Variants in ASTN2 observed in about 807,000 individuals in gnomAD.
ASTN2 encodes astrotactin-2.
Under a neutral mutation model 139.8 loss-of-function variants are expected in ASTN2, and 54 were observed. That is an observed-to-expected ratio of 0.39 (90% confidence interval 0.31 to 0.48). The LOEUF is 0.48. ASTN2 is among the 20% of genes least tolerant of loss of function. The pLI is 0.95. For synonymous variants in ASTN2, 756 were observed against 719.5 expected (o/e 1.05, Z -0.81); for missense variants, 1,565 against 1,725.1 (o/e 0.91, Z 1.64).
intron 3 of ASTN2, among the ~76,000 whole-genome samples, chr9:117,160,381 A>G (rs999458878): frequency 1.3e-5 from 2 of 151,328 alleles, no homozygotes; most frequent in African/African-American, 4.9e-5. Context: ...TCCCATCCAT[A>G]TAAATCACAA....
chr9:116,889,720 T>TAC (rs9299242), intron 10 of ASTN2, among the ~76,000 whole-genome samples: 2,360 of 136,604 alleles, frequency 0.017, 17 homozygotes, highest in South Asian at 0.047. Flanking sequence ...ACCTTGTCTC[T>TAC]ACACACACAC....
intron 19 of ASTN2, among the ~76,000 whole-genome samples, chr9:116,519,081 G>A (rs1473700035): frequency 6.6e-6 from 1 of 151,972 alleles, no homozygotes; most frequent in Non-Finnish European, 1.5e-5. Context: ...TCCACTGAGA[G>A]CACAAGACAG....
chr9:116,550,840 G>GT (rs1436634267), intron 19 of ASTN2: 2 of 152,242 alleles, frequency 1.3e-5, no homozygotes, highest in African/African-American at 4.8e-5. Flanking sequence ...AGGCCTTGCT[G>GT]TAAGACTCTG....
chr9:116,867,147 T>C (rs1564313141), intron 10 of ASTN2, among the ~76,000 whole-genome samples: 3 of 150,806 alleles, frequency 2.0e-5, no homozygotes, highest in South Asian at 4.2e-4. Flanking sequence ...TGTGAAAAGA[T>C]AAAAATGAAA....
At chr9:116,791,884 A>T (rs1271089553) in intron 13 of ASTN2, among the ~76,000 whole-genome samples, 1 of 152,188 alleles carries the variant, frequency 6.6e-6, no homozygotes, top group African/African-American at 2.4e-5. Flanking sequence ...AAAGGGGGGA[A>T]AGCGAGCTGT....
intron 11 of ASTN2, among the ~76,000 whole-genome samples, chr9:116,844,967 C>T (rs1049779688): frequency 2.0e-5 from 3 of 150,370 alleles, no homozygotes; most frequent in Admixed American, 6.6e-5. Context: ...TATGAGATTG[C>T]TGTTATTGCT....
intron 19 of ASTN2, among the ~76,000 whole-genome samples, chr9:116,604,361 G>A (rs1361596155): frequency 6.6e-6 from 1 of 152,140 alleles, no homozygotes; most frequent in Non-Finnish European, 1.5e-5. Flanking sequence ...CAGCTGGAGT[G>A]ACAGAAATAT....
At chr9:116,431,406 T>C (rs1455057839) in intron 22 of ASTN2, among the ~76,000 whole-genome samples, 1 of 151,812 alleles carries the variant, frequency 6.6e-6, no homozygotes, top group African/African-American at 2.4e-5. Flanking sequence ...CCTTCAGAAG[T>C]GGAGAGGGCA....
chr9:116,487,674 T>C (rs1849383854), intron 19 of ASTN2, among the ~76,000 whole-genome samples, 174 bp from the exon 20 acceptor site: 1 of 152,242 alleles, frequency 6.6e-6, no homozygotes, highest in Admixed American at 6.5e-5. Context: ...GATGACTCTT[T>C]GTTCATATTT....
At chr9:116,640,872 C>T (rs1332631345) in intron 17 of ASTN2, among the ~76,000 whole-genome samples, 1 of 152,042 alleles carries the variant, frequency 6.6e-6, no homozygotes, top group Non-Finnish European at 1.5e-5. Context: ...ATAGTACAGG[C>T]AAGATTTGGA....
At chr9:117,159,673 A>G (rs1307881498) in intron 3 of ASTN2, among the ~76,000 whole-genome samples, 4 of 152,096 alleles carry the variant, frequency 2.6e-5, no homozygotes, top group African/African-American at 9.7e-5. Context: ...CCCCATCAAG[A>G]CAACTTCATG....
intron 2 of ASTN2, among the ~76,000 whole-genome samples, chr9:117,216,426 C>T (rs1832320665): frequency 6.6e-6 from 1 of 152,202 alleles, no homozygotes; most frequent in African/African-American, 2.4e-5. Context: ...CAGCAGTGAG[C>T]TACTTTGGTT....
At chr9:116,448,646 T>A (rs913457649) in intron 20 of ASTN2, among the ~76,000 whole-genome samples, 1 of 152,224 alleles carries the variant, frequency 6.6e-6, no homozygotes, top group Admixed American at 6.5e-5. Flanking sequence ...AAGAAGCTAC[T>A]GAGCAAGTAG....
chr9:116,957,379 T>C (rs1197273115), intron 10 of ASTN2, among the ~76,000 whole-genome samples: 2 of 152,232 alleles, frequency 1.3e-5, no homozygotes, highest in Non-Finnish European at 2.9e-5. Context: ...CTAAGATATT[T>C]TATTTATAAC....
intron 1 of ASTN2, among the ~76,000 whole-genome samples, chr9:117,346,230 T>C (rs1829214353): frequency 6.6e-6 from 1 of 152,084 alleles, no homozygotes; most frequent in South Asian, 2.1e-4. Context: ...TAAAAGGATT[T>C]GCATATCTCA....
intron 4 of ASTN2, among the ~76,000 whole-genome samples, chr9:117,140,648 A>G (rs896535701): frequency 7.3e-5 from 11 of 151,378 alleles, no homozygotes; most frequent in Non-Finnish European, 1.5e-5. Flanking sequence ...GAGGAAAAGG[A>G]GGAGGAGGGG....
intron 11 of ASTN2, among the ~76,000 whole-genome samples, chr9:116,827,919 A>G (rs996097513): frequency 2.7e-5 from 2 of 73,268 alleles, no homozygotes; most frequent in African/African-American, 9.9e-5. Context: ...TACCAAAACC[A>G]TACAAGGAAA....
chr9:116,943,554 T>A (rs962664353), intron 10 of ASTN2, among the ~76,000 whole-genome samples: 2 of 152,140 alleles, frequency 1.3e-5, no homozygotes, highest in African/African-American at 4.8e-5. Context: ...TGTATGTACA[T>A]TATATCTCCA....
intron 1 of ASTN2, among the ~76,000 whole-genome samples, chr9:117,381,101 A>C (rs1421207724): frequency 6.6e-6 from 1 of 152,246 alleles, no homozygotes. Context: ...ATATGGATGA[A>C]CTTTGAAAAC....
Sources: allele counts gnomAD v4.1 joint callset (sites outside exome capture counted in the v4.1 genomes callset), GRCh38; gene constraint gnomAD v4.1.1; transcripts MANE v1.5; gene names NCBI Gene and HGNC (gene_info 2026-07-23, HGNC 2026-07-21).